Variants in TENM3 observed in about 807,000 individuals in gnomAD.
TENM3 encodes the protein teneurin-3.
In TENM3, 63 loss-of-function variants were observed where a neutral mutation model predicts 255.1. The observed-to-expected ratio is 0.25, with a 90% CI of 0.20 to 0.30. The LOEUF (loss-of-function observed/expected upper bound fraction) is 0.30, where lower values mean the gene tolerates loss of function less well. TENM3 is among the 10% of genes least tolerant of loss of function. The pLI, the probability that TENM3 is intolerant of heterozygous loss-of-function variation, is 1.00. For synonymous variants in TENM3, 1,306 were observed against 1,322.3 expected (o/e 0.99, Z 0.27); for missense variants, 2,929 against 3,461.1 (o/e 0.85, Z 3.86).
the TENM3 span, among the ~76,000 whole-genome samples, chr4:181,453,170 G>A: frequency 9.4e-3 from 1,431 of 152,260 alleles, 16 homozygotes; most frequent in African/African-American, 0.031. Context: ...ACTGCAAGAC[G>A]ACGACAAGGG....
chr4:181,532,698 T>G, the TENM3 span, among the ~76,000 whole-genome samples: 1 of 152,214 alleles, frequency 6.6e-6, no homozygotes, highest in African/African-American at 2.4e-5. Flanking sequence ...CAGAGCTTTA[T>G]GAAACCACCA....
chr4:182,624,763 A>G (rs1357673858), intron 4 of TENM3, among the ~76,000 whole-genome samples: 1 of 152,216 alleles, frequency 6.6e-6, no homozygotes, highest in Non-Finnish European at 1.5e-5. Flanking sequence ...GCAATGAAAT[A>G]AAACTAGAAT....
At chr4:182,504,299 G>A (rs1736604350) in intron 3 of TENM3, among the ~76,000 whole-genome samples, 1 of 151,920 alleles carries the variant, frequency 6.6e-6, no homozygotes, top group Non-Finnish European at 1.5e-5. Flanking sequence ...AGAGAGAGAC[G>A]TAAATGCTTT....
chr4:182,471,292 C>G (rs1733098713), intron 3 of TENM3, among the ~76,000 whole-genome samples: 1 of 152,198 alleles, frequency 6.6e-6, no homozygotes, highest in African/African-American at 2.4e-5. Flanking sequence ...AACTTTCTTA[C>G]ACAGTCATGT....
At chr4:182,738,909 C>T (rs891792720) in intron 18 of TENM3, among the ~76,000 whole-genome samples, 1 of 150,090 alleles carries the variant, frequency 6.7e-6, no homozygotes, top group African/African-American at 2.5e-5. Context: ...AGCCAAAGTA[C>T]TTTAGAAAGG....
At chr4:181,607,678 C>A in the TENM3 span, among the ~76,000 whole-genome samples, 2 of 152,138 alleles carry the variant, frequency 1.3e-5, no homozygotes, top group East Asian at 3.9e-4. Context: ...CCTGGGATTA[C>A]AGGAGTGAGT....
chr4:182,346,192 G>A lies in TENM3; in HGVS notation c.233-459G>A, dbSNP rs563735209. 2.0e-5 allele frequency among the ~76,000 whole-genome samples: 3 copies of A among 152,282 alleles called. No homozygotes were observed. In the South Asian group the frequency reaches 6.2e-4, roughly 32 times the overall value. On this transcript the variant is annotated intron_variant, in intron 2 of 27. Transcript: ENST00000511685. ...CCAAGCTCCTGTTTCTACTGTTTGA[G>A]TAACTTATTCTTGAAGGGAAACTTT...
At chr4:182,736,493 A>G (rs1329800775) in intron 16 of TENM3, among the ~76,000 whole-genome samples, 1 of 152,242 alleles carries the variant, frequency 6.6e-6, no homozygotes, top group Non-Finnish European at 1.5e-5. Context: ...TATGAAGAGT[A>G]GCACCCGAGG....
chr4:182,061,416 CT>C, the TENM3 span, among the ~76,000 whole-genome samples: 3 of 151,954 alleles, frequency 2.0e-5, no homozygotes, highest in Non-Finnish European at 4.4e-5. Context: ...ATCTAAGTTA[CT>C]TTTTTTTCTG....
At chr4:182,022,544 A>AAAAG in the TENM3 span, among the ~76,000 whole-genome samples, 1 of 152,044 alleles carries the variant, frequency 6.6e-6, no homozygotes, top group Non-Finnish European at 1.5e-5. Flanking sequence ...AAAAAAAAAA[A>AAAAG]AAATCCAAAA....
At chr4:181,673,446 G>C in the TENM3 span, among the ~76,000 whole-genome samples, 1 of 152,212 alleles carries the variant, frequency 6.6e-6, no homozygotes, top group East Asian at 1.9e-4. Context: ...AATATTATTG[G>C]TTGGTGATAA....
the TENM3 span, among the ~76,000 whole-genome samples, chr4:181,536,185 A>G: frequency 6.6e-6 from 1 of 152,320 alleles, no homozygotes; most frequent in South Asian, 2.1e-4. Context: ...CCTATTTAAC[A>G]TTAGTGTCTT....
chr4:181,769,379 A>G, the TENM3 span, among the ~76,000 whole-genome samples: 1 of 152,200 alleles, frequency 6.6e-6, no homozygotes, highest in South Asian at 2.1e-4. Context: ...TATTCTGGCT[A>G]AATCACTTAC....
chr4:181,968,759 G>T, the TENM3 span, among the ~76,000 whole-genome samples: 1 of 152,052 alleles, frequency 6.6e-6, no homozygotes, highest in African/African-American at 2.4e-5. Context: ...CAACATTGTG[G>T]CTATAGTTAA....
At chr4:182,698,778 G>A (rs1189063055) in intron 12 of TENM3, among the ~76,000 whole-genome samples, 1 of 152,220 alleles carries the variant, frequency 6.6e-6, no homozygotes, top group Non-Finnish European at 1.5e-5. Flanking sequence ...TCATCAGCTA[G>A]AGCTGCGTGG....
At chr4:181,825,078 A>G in the TENM3 span, among the ~76,000 whole-genome samples, 1 of 152,188 alleles carries the variant, frequency 6.6e-6, no homozygotes, top group South Asian at 2.1e-4. Flanking sequence ...ATAAGCAACT[A>G]CAGTAGTCCT....
the TENM3 span, among the ~76,000 whole-genome samples, chr4:182,098,963 C>CTTTTTTTTTTT: frequency 7.6e-6 from 1 of 131,230 alleles, no homozygotes. Context: ...CTCTTTTTTT[C>CTTTTTTTTTTT]TTTTTTTTTT....
chr4:182,319,098 G>A (rs750017811), intron 1 of TENM3, among the ~76,000 whole-genome samples: 10 of 152,054 alleles, frequency 6.6e-5, no homozygotes, highest in Non-Finnish European at 1.2e-4. Flanking sequence ...TTGTTTTTTT[G>A]TTTTTTGTTT....
At chr4:182,713,779 T>C (rs1758936037) in intron 12 of TENM3, among the ~76,000 whole-genome samples, 1 of 152,196 alleles carries the variant, frequency 6.6e-6, no homozygotes, top group African/African-American at 2.4e-5. Context: ...CCGTACAATA[T>C]ACCTTGTTGC....
Sources: gnomAD v4.1 joint callset for allele counts (sites outside exome capture counted in the v4.1 genomes callset) on GRCh38, gnomAD v4.1.1 for gene constraint, MANE v1.5 for transcripts, NCBI Gene and HGNC (gene_info 2026-07-23, HGNC 2026-07-21) for gene names.